Variants in BCAS4 observed in about 807,000 individuals in gnomAD.
BCAS4 encodes the protein breast carcinoma-amplified sequence 4.
Under a neutral mutation model 15.7 loss-of-function variants are expected in BCAS4, and 9 were observed. The observed-to-expected ratio is 0.57, with a 90% CI of 0.34 to 1.00. The LOEUF is 1.00. Among genes scored for constraint, BCAS4 ranks in the 50% least tolerant of loss-of-function variants. BCAS4 has a pLI of 0.02. For missense variants in BCAS4, 225 were observed against 239.1 expected (o/e 0.94, Z 0.39); for synonymous variants, 101 against 99.5 (o/e 1.02, Z -0.09).
chr20:50,826,396 C>G (rs1438031431), intron 2 of BCAS4, among the ~76,000 whole-genome samples: 1 of 152,176 alleles, frequency 6.6e-6, no homozygotes, highest in Non-Finnish European at 1.5e-5. Flanking sequence ...CCCGGGGAGA[C>G]TCAGGCCCAT....
chr20:50,838,973 T>A (rs945230735), intron 3 of BCAS4, among the ~76,000 whole-genome samples: 5 of 151,706 alleles, frequency 3.3e-5, no homozygotes, highest in African/African-American at 1.2e-4. Flanking sequence ...GCTGGGCACT[T>A]TAAAGGAACC....
In BCAS4 at chr20:50,851,551, TG is replaced by T. The variant is rs1023105020; in HGVS notation, c.399+9658del. Among the ~76,000 whole-genome samples, 1 of 152,088 alleles carries T rather than the reference TG, an allele frequency of 6.6e-6. No homozygotes were observed. Among genetic ancestry groups the T allele is most frequent in the Non-Finnish European group, 1.5e-5 (1 of 68,022 alleles). ...TCCGACAACAAGAAGTTTTCATTTT[TG>T]GGGGGGTGCTGTTTGTTGGGCCCTA... On this transcript the variant is annotated intron_variant, in intron 4 of 4. Coordinates refer to ENST00000371608, the MANE Select transcript of BCAS4 (RefSeq NM_198799.4). The surrounding 1 kb of genome is among the most constrained non-coding windows in gnomAD (Gnocchi z 4.3).
chr20:50,849,506 G>A (rs181273058), intron 4 of BCAS4, among the ~76,000 whole-genome samples: 1 of 152,358 alleles, frequency 6.6e-6, no homozygotes, highest in East Asian at 1.9e-4. Flanking sequence ...AGCCAGGACA[G>A]GCAGGGTGTG....
At chr20:50,810,394 G>A (rs539942039) in intron 1 of BCAS4, among the ~76,000 whole-genome samples, 1 of 152,046 alleles carries the variant, frequency 6.6e-6, no homozygotes, top group Non-Finnish European at 1.5e-5. Flanking sequence ...TTTTGCAAAA[G>A]CATTTGTGGG....
chr20:50,858,307 C>T (rs1023447519), intron 4 of BCAS4, among the ~76,000 whole-genome samples: 1 of 152,116 alleles, frequency 6.6e-6, no homozygotes, highest in African/African-American at 2.4e-5. Flanking sequence ...ATACCTAATA[C>T]AAAGTAAATG....
chr20:50,858,260 C>T (rs948993120), intron 4 of BCAS4, among the ~76,000 whole-genome samples: 5 of 152,162 alleles, frequency 3.3e-5, no homozygotes, highest in Admixed American at 2.6e-4. Flanking sequence ...TACATACATC[C>T]TTCCATATAC....
At chr20:50,802,047 G>A (rs1364756660) in intron 1 of BCAS4, among the ~76,000 whole-genome samples, 1 of 151,992 alleles carries the variant, frequency 6.6e-6, no homozygotes, top group Non-Finnish European at 1.5e-5. Context: ...CTGATTTATC[G>A]ACTTGTACTA....
At chr20:50,878,494 T>C (rs1486042801), downstream of BCAS4, 1 of 151,596 alleles carries the variant, frequency 6.6e-6, no homozygotes, top group Non-Finnish European at 1.5e-5. Context: ...GAGGTGACTT[T>C]TACAATTTTT....
intron 4 of BCAS4, among the ~76,000 whole-genome samples, chr20:50,843,503 C>T (rs1220366921): frequency 6.6e-6 from 1 of 152,222 alleles, no homozygotes; most frequent in Admixed American, 6.5e-5. Context: ...AGGGCATGTG[C>T]TTTCCAGTCA....
chr20:50,812,433 CT>C (rs754781964), intron 1 of BCAS4, among the ~76,000 whole-genome samples: 1,672 of 122,430 alleles, frequency 0.014, 13 homozygotes, highest in Middle Eastern at 0.032. Flanking sequence ...TGCGTCTGGC[CT>C]TTTTTTTTTT....
At chr20:50,848,772 C>T (rs943066426) in intron 4 of BCAS4, among the ~76,000 whole-genome samples, 1 of 152,228 alleles carries the variant, frequency 6.6e-6, no homozygotes, top group Non-Finnish European at 1.5e-5. Flanking sequence ...ATGTTTCCTC[C>T]CCTGGAAATA....
Position 50,876,745 on chromosome 20 carries a change from T to C in BCAS4, c.*137T>C, listed in dbSNP as rs1177939476. On this transcript the variant is annotated 3_prime_UTR_variant, in exon 5 of 5. Transcript: ENST00000371608. Reference sequence around the variant, plus strand: ...AAAATGTCGAGATGGGGTCTCACTATGTTGTCCAGACTGATCTCAAACTCC... The same window carrying C: ...AAAATGTCGAGATGGGGTCTCACTACGTTGTCCAGACTGATCTCAAACTCC... The C allele has an allele frequency of 1.7e-6, 2 of 1,164,716 alleles. No individual in the cohort carries two copies. Among genetic ancestry groups the C allele is most frequent in the Admixed American group, 6.4e-5 (2 of 31,202 alleles). 72.1% of individuals were successfully genotyped at this position (1,164,716 alleles called of 1,614,324 possible).
intron 2 of BCAS4, among the ~76,000 whole-genome samples, chr20:50,819,505 A>G (rs145934446): frequency 1.8e-3 from 275 of 152,300 alleles, no homozygotes; most frequent in African/African-American, 6.2e-3. Flanking sequence ...TAACAGTAAC[A>G]GCAGCCCCAG....
intron 4 of BCAS4, among the ~76,000 whole-genome samples, chr20:50,855,128 C>T (rs1978686263): frequency 2.0e-5 from 3 of 152,240 alleles, no homozygotes; most frequent in South Asian, 4.1e-4. Flanking sequence ...ATCTTCAGCC[C>T]TCCATTCCAT....
At chr20:50,795,247 C>T in intron 1 of BCAS4, 74 bp downstream of exon 1, 3 of 1,233,580 alleles carry the variant, frequency 2.4e-6, no homozygotes, top group Non-Finnish European at 3.1e-6. Context: ...CCCTCGGCTT[C>T]CCCGGAGCAT....
chr20:50,801,141 G>A (rs1018724614), intron 1 of BCAS4, among the ~76,000 whole-genome samples: 1 of 152,030 alleles, frequency 6.6e-6, no homozygotes. Context: ...AGTCTGTGAT[G>A]GGGGGCCGGG....
intron 1 of BCAS4, among the ~76,000 whole-genome samples, chr20:50,812,359 T>G (rs1331636323): frequency 6.6e-6 from 1 of 150,792 alleles, no homozygotes; most frequent in Non-Finnish European, 1.5e-5. Flanking sequence ...GGTCTCGATC[T>G]CCTGACGTTG....
At chr20:50,868,410 C>A (rs1979463236) in intron 4 of BCAS4, among the ~76,000 whole-genome samples, 2 of 152,162 alleles carry the variant, frequency 1.3e-5, no homozygotes, top group Admixed American at 1.3e-4. Context: ...GTTGTCAATT[C>A]TTGGGTGATC....
intron 1 of BCAS4, among the ~76,000 whole-genome samples, chr20:50,800,665 G>A (rs548130570): frequency 2.0e-5 from 3 of 149,550 alleles, no homozygotes; most frequent in South Asian, 4.2e-4. Flanking sequence ...GGGTTCAAGC[G>A]ATTCTCCTGC....
Sources: gnomAD v4.1 joint callset for allele counts (sites outside exome capture counted in the v4.1 genomes callset) on GRCh38, gnomAD v4.1.1 for gene constraint, Gnocchi (gnomAD v3.1) non-coding constraint, MANE v1.5 for transcripts, NCBI Gene and HGNC (gene_info 2026-07-23, HGNC 2026-07-21) for gene names.